Variants in ARHGEF33 observed in about 807,000 individuals in gnomAD.
ARHGEF33 encodes Rho guanine nucleotide exchange factor 33.
ARHGEF33 carries 72 observed loss-of-function variants against 101.9 expected under a neutral mutation model. That is an observed-to-expected ratio of 0.71 (90% CI 0.58 to 0.86). The LOEUF is 0.86. Ranked by LOEUF, ARHGEF33 falls within the 40% of genes least tolerant of loss-of-function variation. The pLI, the probability that ARHGEF33 is intolerant of heterozygous loss-of-function variation, is 0.00. For missense variants in ARHGEF33, 1,169 were observed against 1,111.3 expected, an observed-to-expected ratio of 1.05 and a Z score of -0.74; for synonymous variants, 499 against 442.5, an observed-to-expected ratio of 1.13 and a Z score of -1.60.
rs1558425112 is a variant in ARHGEF33, at chr2:38,909,982, T to TTTA, written c.-85-9379_-85-9378insATT. Among the ~76,000 whole-genome samples the TTTA allele has an allele frequency of 3.6e-3, 550 of 152,254 alleles. 3 individuals carry two copies. Among genetic ancestry groups the TTTA allele is most frequent in the African/African-American group, 0.012 (501 of 41,566 alleles). ...TTATTTAGAATACGTATAGTTATTT[T>TTTA]TTTATTTATTTATGTAGGCTATCCT... On this transcript the variant is annotated intron_variant, in intron 2 of 17. Coordinates refer to ENST00000409978, the MANE Select transcript of ARHGEF33 (RefSeq NM_001145451.5).
At chr2:38,919,331 T>C in intron 2 of ARHGEF33, 32 bp from the exon 3 acceptor site, 1 of 1,036,714 alleles carries the variant, frequency 9.6e-7, no homozygotes, top group Non-Finnish European at 1.5e-6. Flanking sequence ...CAGTTTTACT[T>C]GTTATCCCTT....
intron 9 of ARHGEF33, among the ~76,000 whole-genome samples, chr2:38,943,589 A>AATG (rs1667366729): frequency 6.6e-6 from 1 of 152,184 alleles, no homozygotes; most frequent in South Asian, 2.1e-4. Flanking sequence ...GTATACTTTC[A>AATG]ATGATTGCTC....
chr2:38,937,187 G>C lies in ARHGEF33; in HGVS notation c.566-148G>C, dbSNP rs369206658. 427 of 591,240 alleles carry C rather than the reference G, an allele frequency of 7.2e-4. 4 individuals carry two copies. In the East Asian group the frequency reaches 0.011, roughly 16 times the overall value. The allele number at this position is 591,240 out of a possible 1,614,324, so 36.6% of individuals were successfully genotyped here. ...TTTTTTATATTTTTAGTAGAGACAG[G>C]GTTTCACCATGTTAGCCAGGATGGT... On this transcript the variant is annotated intron_variant, in intron 8 of 17. Transcript: ENST00000409978.
At chr2:38,899,366 T>C (rs1666193809) in intron 2 of ARHGEF33, among the ~76,000 whole-genome samples, 1 of 152,172 alleles carries the variant, frequency 6.6e-6, no homozygotes. Flanking sequence ...ATTGCTACTA[T>C]AAGGAGATAT....
At chr2:38,901,425 G>T (rs893651511) in intron 2 of ARHGEF33, among the ~76,000 whole-genome samples, 9 of 152,188 alleles carry the variant, frequency 5.9e-5, no homozygotes, top group African/African-American at 2.2e-4. Flanking sequence ...CTGTGCTGTG[G>T]ATGGGAGCGC....
At chr2:38,919,338 C>T in intron 2 of ARHGEF33, 25 bp from the exon 3 acceptor site, 1 of 1,099,804 alleles carries the variant, frequency 9.1e-7, no homozygotes. Context: ...ACTTGTTATC[C>T]CTTACTCTTG....
intron 5 of ARHGEF33, among the ~76,000 whole-genome samples, chr2:38,929,285 C>T (rs994994530): frequency 7.9e-5 from 12 of 151,944 alleles, no homozygotes; most frequent in South Asian, 2.1e-4. Flanking sequence ...AAAAATTAGC[C>T]GGGTGTGGTG....
At chr2:38,934,953 G>C (rs1477634167) in intron 7 of ARHGEF33, among the ~76,000 whole-genome samples, 51 of 152,036 alleles carry the variant, frequency 3.4e-4, no homozygotes, top group Non-Finnish European at 2.9e-5. Context: ...CCAGTGTCAG[G>C]GTCCCGTGAG....
intron 13 of ARHGEF33, among the ~76,000 whole-genome samples, chr2:38,955,298 G>C (rs774690210): frequency 6.6e-6 from 1 of 152,058 alleles, no homozygotes; most frequent in Non-Finnish European, 1.5e-5. Context: ...GGAGGAAGAA[G>C]AGTTGAAAGA....
At chr2:38,969,792 C>T (rs962565276) in intron 17 of ARHGEF33, among the ~76,000 whole-genome samples, 1 of 152,216 alleles carries the variant, frequency 6.6e-6, no homozygotes. Flanking sequence ...AACAGACTTA[C>T]TGTGGTAGGC....
In ARHGEF33 at chr2:38,960,550, C is replaced by T. The variant is rs1047761637; in HGVS notation, c.2245C>T (p.Pro749Ser). 6.7e-5 allele frequency: 85 copies of T among 1,266,160 alleles called. No individual in the cohort carries two copies. Among genetic ancestry groups the T allele is most frequent in the Non-Finnish European group, 8.2e-5 (81 of 992,680 alleles). 78.4% of individuals were successfully genotyped at this position (1,266,160 alleles called of 1,614,324 possible). Residue 749 changes from proline (P) to serine (S), a missense_variant, in exon 16 of 18, where the codon CCG becomes TCG. Pro to Ser is a moderately conservative substitution (Grantham distance 74). Transcript: ENST00000409978. ...KAERAAQAHG[P>S]AAAAVAARGA... Reference sequence around the variant, plus strand: ...CGAGCGCGCCGCGCAGGCGCACGGCCCGGCCGCCGCCGCCGTCGCCGCCCG... The same window carrying T: ...CGAGCGCGCCGCGCAGGCGCACGGCTCGGCCGCCGCCGCCGTCGCCGCCCG...
chr2:38,891,028 G>T (rs932174823), intron 1 of ARHGEF33, among the ~76,000 whole-genome samples: 3 of 150,554 alleles, frequency 2.0e-5, no homozygotes, highest in East Asian at 1.9e-4. Context: ...TGTCACCTGG[G>T]CTCAAGCAAT....
Position 38,921,396 on chromosome 2 carries a change from G to A in ARHGEF33, c.48G>A (p.Val16=), listed in dbSNP as rs999730310. The change falls in exon 4 of 18, where the codon GTG becomes GTA. Residue 16 remains valine (V), a synonymous_variant. Transcript: ENST00000409978. ...TKQGENEHMP[V]NNPSTQIYQL... ...CAGGAGAGAATGAACATATGCCGGT[G>A]AATAATCCTTCCACGCAGATTTACC... is the stretch of plus-strand genomic sequence containing the variant. 7 of 1,546,966 alleles carry A rather than the reference G, an allele frequency of 4.5e-6. No homozygotes were observed. Among genetic ancestry groups the A allele is most frequent in the Middle Eastern group, 1.7e-4 (1 of 6,010 alleles).
At chr2:38,923,151 C>G (rs10191968) in intron 4 of ARHGEF33, among the ~76,000 whole-genome samples, 1,578 of 152,294 alleles carry the variant, frequency 0.01, 22 homozygotes, top group Non-Finnish European at 0.015. Flanking sequence ...TATTGCACTA[C>G]AAATCCTAGT....
At chr2:38,950,112 A>G (rs1377947922) in intron 10 of ARHGEF33, among the ~76,000 whole-genome samples, 1 of 152,216 alleles carries the variant, frequency 6.6e-6, no homozygotes, top group East Asian at 1.9e-4. Context: ...GCCTACCCAG[A>G]CAAGACTGTC....
intron 17 of ARHGEF33, among the ~76,000 whole-genome samples, chr2:38,969,992 T>C (rs1668131152): frequency 6.6e-6 from 1 of 152,228 alleles, no homozygotes; most frequent in African/African-American, 2.4e-5. Flanking sequence ...GTATTCTTGA[T>C]GGCAGATGTG....
intron 2 of ARHGEF33, among the ~76,000 whole-genome samples, chr2:38,902,283 G>C (rs1666266730): frequency 6.6e-6 from 1 of 152,204 alleles, no homozygotes; most frequent in African/African-American, 2.4e-5. Context: ...GCGACAGGCA[G>C]TGAGGTTGAT....
intron 10 of ARHGEF33, among the ~76,000 whole-genome samples, chr2:38,949,833 C>T (rs1480514986): frequency 2.0e-5 from 3 of 152,054 alleles, no homozygotes; most frequent in Admixed American, 2.0e-4. Flanking sequence ...TGGTGGAAGG[C>T]GAAGGGGAAG....
chr2:38,974,920 G>T lies in ARHGEF33; in HGVS notation c.*1077G>T, dbSNP rs1314875141. The T allele has an allele frequency of 2.0e-5, 3 of 152,148 alleles. No individual in the cohort carries two copies. The highest frequency in any genetic ancestry group is 4.4e-5 in the Non-Finnish European group (3 of 68,036). The allele number at this position is 152,148 out of a possible 1,614,324, so 9.4% of individuals were successfully genotyped here. ...GCTCTGGGGTGATAAAATGTGCTCT[G>T]TTTCCACATGGATATGTGCAAGATG... On this transcript the variant is annotated 3_prime_UTR_variant, in exon 18 of 18. Transcript: ENST00000409978.
Sources: gnomAD v4.1 joint callset for allele counts (sites outside exome capture counted in the v4.1 genomes callset) on GRCh38, gnomAD v4.1.1 for gene constraint, MANE v1.5 for transcripts, NCBI Gene and HGNC (gene_info 2026-07-23, HGNC 2026-07-21) for gene names.